EFCAB11: variants seen among roughly 807,000 people sequenced by gnomAD.
EFCAB11 encodes the protein EF-hand calcium binding domain 11, also known as EF-hand calcium-binding domain-containing protein 11.
Under a neutral mutation model 23.0 loss-of-function variants are expected in EFCAB11, and 14 were observed. The observed-to-expected ratio is 0.61, with a 90% CI of 0.40 to 0.95. The LOEUF (loss-of-function observed/expected upper bound fraction) is 0.95, where lower values mean the gene tolerates loss of function less well. Among genes scored for constraint, EFCAB11 ranks in the 40% least tolerant of loss-of-function variants. EFCAB11 has a pLI of 0.00. For missense variants in EFCAB11, 198 were observed against 195.8 expected (o/e 1.01, Z -0.07); for synonymous variants, 65 against 66.6 (o/e 0.98, Z 0.11).
intron 2 of EFCAB11, among the ~76,000 whole-genome samples, chr14:89,950,967 C>T (rs1365250414): frequency 3.3e-5 from 5 of 152,120 alleles, no homozygotes; most frequent in African/African-American, 1.2e-4. Flanking sequence ...TCTGCATACT[C>T]TTCCTGGGCA....
intron 5 of EFCAB11, among the ~76,000 whole-genome samples, chr14:89,829,014 A>C (rs917705635): frequency 2.0e-5 from 3 of 152,208 alleles, no homozygotes; most frequent in African/African-American, 7.2e-5. Context: ...TGATAATTGC[A>C]CTCACATTCC....
chr14:89,920,561 C>T (rs7140212), intron 5 of EFCAB11, among the ~76,000 whole-genome samples: 48,058 of 152,172 alleles, frequency 0.32, 11,597 homozygotes, highest in African/African-American at 0.67. Flanking sequence ...CTGAGCTTTT[C>T]CCTCATGTGT....
chr14:89,808,121 C>G (rs1240939706), intron 5 of EFCAB11, among the ~76,000 whole-genome samples: 1 of 152,172 alleles, frequency 6.6e-6, no homozygotes, highest in East Asian at 1.9e-4. Context: ...CCGGGGAACA[C>G]AGCTAGACTA....
At chr14:89,798,592 T>C (rs1364597742) in intron 5 of EFCAB11, among the ~76,000 whole-genome samples, 1 of 152,256 alleles carries the variant, frequency 6.6e-6, no homozygotes, top group Non-Finnish European at 1.5e-5. Flanking sequence ...CACTCTGAAC[T>C]GGTATGGTTG....
chr14:89,892,252 C>T, intron 5 of EFCAB11: 3 of 1,612,668 alleles, frequency 1.9e-6, no homozygotes, highest in African/African-American at 1.3e-5. Flanking sequence ...GCATGGCCTT[C>T]GTGGAGACCT....
At chr14:89,906,172 AAAAT>A (rs59351985) in intron 5 of EFCAB11, among the ~76,000 whole-genome samples, 24,351 of 144,978 alleles carry the variant, frequency 0.17, 2,062 homozygotes, top group South Asian at 0.22. Flanking sequence ...TTAGAGCACT[AAAAT>A]AAATAAATAA....
At chr14:89,934,537 G>A (rs146539545) in intron 3 of EFCAB11, among the ~76,000 whole-genome samples, 3 of 152,284 alleles carry the variant, frequency 2.0e-5, no homozygotes, top group African/African-American at 7.2e-5. Flanking sequence ...AAGAGGAGAA[G>A]TTCAGGAGGT....
At chr14:89,832,767 A>G (rs1435320040) in intron 5 of EFCAB11, among the ~76,000 whole-genome samples, 7 of 152,222 alleles carry the variant, frequency 4.6e-5, no homozygotes, top group Admixed American at 4.6e-4. Context: ...CATGTACTTT[A>G]TTGAATACTG....
In EFCAB11 at chr14:89,865,705, C is replaced by T. The variant is rs186888615; in HGVS notation, c.410+65836G>A. 1.5e-3 allele frequency among the ~76,000 whole-genome samples: 228 copies of T among 152,118 alleles called. 1 individual carries two copies. Among genetic ancestry groups the T allele is most frequent in the Non-Finnish European group, 2.4e-3 (165 of 67,988 alleles). ...TTTGAGATGGAGTCTCACTCTGTCG[C>T]CCAGCCTGGAGTGCAGTGGCGCGAT... On this transcript the variant is annotated intron_variant, in intron 5 of 5. Transcript: ENST00000316738.
At chr14:89,892,729 C>T (rs1566800004) in intron 5 of EFCAB11, among the ~76,000 whole-genome samples, 2 of 151,984 alleles carry the variant, frequency 1.3e-5, no homozygotes. Flanking sequence ...TGGTGAAACC[C>T]CGTCTCTACT....
chr14:89,931,613 A>G lies in EFCAB11; in HGVS notation c.338T>C (p.Leu113Ser), dbSNP rs1398616538. ...FDTYYRGFLT[L>S]EDFKKAFRQV... ...CCTAAATGCTTTTTTGAAATCTTCC[A>G]AAGTTAAAAATCCACGATCTATTTG... The change falls in exon 5 of 6, where the codon TTG becomes TCG. Residue 113 changes from leucine (L) to serine (S), a missense_variant. Physicochemically the swap from Leu to Ser is moderately radical, Grantham distance 145 (BLOSUM62 -2). Coordinates refer to ENST00000316738, the MANE Select transcript of EFCAB11 (RefSeq NM_145231.4). The G allele has an allele frequency of 7.4e-6, 12 of 1,614,124 alleles. No homozygotes were observed. Among genetic ancestry groups the G allele is most frequent in the East Asian group, 2.2e-5 (1 of 44,866 alleles).
intron 5 of EFCAB11, among the ~76,000 whole-genome samples, chr14:89,814,751 G>GA (rs1886274925): frequency 6.6e-6 from 1 of 152,090 alleles, no homozygotes; most frequent in East Asian, 1.9e-4. Flanking sequence ...TTACAGATGG[G>GA]AAAATGGAGG....
chr14:89,910,064 T>C (rs559581565), intron 5 of EFCAB11, among the ~76,000 whole-genome samples: 3 of 152,358 alleles, frequency 2.0e-5, no homozygotes, highest in African/African-American at 7.2e-5. Flanking sequence ...TCTAAGCTCC[T>C]AAAGGGCAGA....
chr14:89,831,428 A>G (rs1164186237), intron 5 of EFCAB11, among the ~76,000 whole-genome samples: 2 of 152,238 alleles, frequency 1.3e-5, no homozygotes, highest in Admixed American at 1.3e-4. Context: ...ATTATGGCAC[A>G]TTGATATGAC....
At chr14:89,935,798 C>T (rs1890560328) in intron 3 of EFCAB11, among the ~76,000 whole-genome samples, 1 of 152,186 alleles carries the variant, frequency 6.6e-6, no homozygotes, top group Non-Finnish European at 1.5e-5. Context: ...CACCTGAGGT[C>T]AGGAGTTTGA....
chr14:89,932,412 A>C, intron 4 of EFCAB11, 114 bp downstream of exon 4: 3 of 776,492 alleles, frequency 3.9e-6, no homozygotes, highest in Middle Eastern at 3.7e-4. Flanking sequence ...GCTAATGAAT[A>C]CAGTAATATA....
intron 5 of EFCAB11, among the ~76,000 whole-genome samples, chr14:89,884,568 G>A (rs571240075): frequency 6.6e-6 from 1 of 152,020 alleles, no homozygotes; most frequent in East Asian, 1.9e-4. Context: ...AGTAAGAAAA[G>A]AAAAAGAAAT....
intron 5 of EFCAB11, among the ~76,000 whole-genome samples, chr14:89,914,424 T>A (rs1370335700): frequency 6.6e-6 from 1 of 152,198 alleles, no homozygotes; most frequent in Admixed American, 6.5e-5. Context: ...GAGGGGAAGA[T>A]GTTATTATCT....
At chr14:89,833,406 T>C (rs546816615) in intron 5 of EFCAB11, among the ~76,000 whole-genome samples, 39 of 152,368 alleles carry the variant, frequency 2.6e-4, no homozygotes, top group African/African-American at 9.4e-4. Context: ...CATCTTTTCA[T>C]ATATTACATA....
Sources: allele counts gnomAD v4.1 joint callset (sites outside exome capture counted in the v4.1 genomes callset), GRCh38; gene constraint gnomAD v4.1.1; transcripts MANE v1.5; gene names NCBI Gene and HGNC (gene_info 2026-07-23, HGNC 2026-07-21).